PCSK5: variants seen among roughly 807,000 people sequenced by gnomAD.
The protein encoded by PCSK5 is prohormone convertase 5.
A neutral mutation model predicts 233.2 loss-of-function variants in PCSK5; 129 were observed. The observed-to-expected ratio is 0.55, with a 90% CI of 0.48 to 0.64. The LOEUF is 0.64. Among genes scored for constraint, PCSK5 ranks in the 30% least tolerant of loss-of-function variants. The probability of loss-of-function intolerance (pLI) is 0.00; values close to 1 mark genes in which losing one functional copy is unlikely to be tolerated. For missense variants in PCSK5, 2,076 were observed against 2,430.1 expected (o/e 0.85, Z 3.06); for synonymous variants, 825 against 879.2 (o/e 0.94, Z 1.09).
intron 10 of PCSK5, among the ~76,000 whole-genome samples, chr9:76,153,117 A>G: frequency 6.6e-6 from 1 of 152,182 alleles, no homozygotes; most frequent in Non-Finnish European, 1.5e-5. Flanking sequence ...TCTTATACCT[A>G]TCAAAATGTA....
At chr9:76,011,084 T>C (rs1260590024) in intron 3 of PCSK5, among the ~76,000 whole-genome samples, 1 of 152,230 alleles carries the variant, frequency 6.6e-6, no homozygotes, top group Non-Finnish European at 1.5e-5. Context: ...AGTTGCTTGG[T>C]TAGATTCTTG....
At chr9:76,085,220 C>T (rs140222943) in intron 7 of PCSK5, among the ~76,000 whole-genome samples, 104 of 152,302 alleles carry the variant, frequency 6.8e-4, no homozygotes, top group African/African-American at 2.3e-3. Context: ...CAACAAAGAT[C>T]TTCTCTGAGT....
At chr9:76,177,467 C>G (rs1823664438) in intron 14 of PCSK5, among the ~76,000 whole-genome samples, 1 of 152,120 alleles carries the variant, frequency 6.6e-6, no homozygotes, top group African/African-American at 2.4e-5. Flanking sequence ...TACTTTTATT[C>G]TAAACAGATA....
intron 10 of PCSK5, among the ~76,000 whole-genome samples, chr9:76,149,518 T>C (rs942360094): frequency 1.3e-5 from 2 of 152,190 alleles, no homozygotes; most frequent in African/African-American, 2.4e-5. Context: ...AATCCACAAA[T>C]AGGAATTTTG....
intron 10 of PCSK5, among the ~76,000 whole-genome samples, chr9:76,136,268 C>T (rs1196712438): frequency 1.3e-5 from 2 of 151,948 alleles, no homozygotes; most frequent in Admixed American, 1.3e-4. Context: ...GTTACCATCC[C>T]CTCCCTAGAG....
At chr9:76,047,898 T>C (rs1032771346) in intron 5 of PCSK5, among the ~76,000 whole-genome samples, 1 of 152,236 alleles carries the variant, frequency 6.6e-6, no homozygotes, top group Non-Finnish European at 1.5e-5. Flanking sequence ...TGTTTAAAGT[T>C]GTAGGTTTTC....
chr9:75,927,332 G>A (rs1173978344), intron 1 of PCSK5, among the ~76,000 whole-genome samples: 1 of 152,080 alleles, frequency 6.6e-6, no homozygotes, highest in South Asian at 2.1e-4. Flanking sequence ...AGAATTTGGA[G>A]GAATCTATAA....
At chr9:76,200,585 A>C (rs1824875177) in intron 20 of PCSK5, among the ~76,000 whole-genome samples, 1 of 152,248 alleles carries the variant, frequency 6.6e-6, no homozygotes, top group South Asian at 2.1e-4. Flanking sequence ...TGTGGAATGA[A>C]TGAATAAGAA....
chr9:75,897,275 T>A (rs1037824861), intron 1 of PCSK5, among the ~76,000 whole-genome samples: 5 of 151,992 alleles, frequency 3.3e-5, no homozygotes, highest in Non-Finnish European at 5.9e-5. Flanking sequence ...CCTGGGGATA[T>A]AATGGGGGCT....
chr9:76,139,784 A>T (rs1052893176), intron 10 of PCSK5, among the ~76,000 whole-genome samples: 1 of 152,146 alleles, frequency 6.6e-6, no homozygotes, highest in Non-Finnish European at 1.5e-5. Context: ...AAAAACAAAA[A>T]AACAAAAACT....
chr9:76,188,975 CATGAATATT>C, intron 18 of PCSK5, 110 bp from the exon 19 acceptor site: 1 of 874,646 alleles, frequency 1.1e-6, no homozygotes, highest in Non-Finnish European at 1.7e-6. Flanking sequence ...CAAGAAAAAG[CATGAATATT>C]AAATTATTAT....
chr9:76,110,404 G>A (rs1832162690), intron 9 of PCSK5, among the ~76,000 whole-genome samples: 2 of 152,330 alleles, frequency 1.3e-5, no homozygotes, highest in South Asian at 4.1e-4. Context: ...AGGAACATTA[G>A]AGAAAACTAG....
intron 24 of PCSK5, among the ~76,000 whole-genome samples, chr9:76,269,062 C>A (rs775037374): frequency 5.3e-5 from 8 of 152,190 alleles, no homozygotes; most frequent in Non-Finnish European, 8.8e-5. Context: ...AGTGGGCCAG[C>A]TGGGGACTGA....
chr9:76,120,911 C>T (rs1832606233), intron 9 of PCSK5, among the ~76,000 whole-genome samples: 1 of 151,938 alleles, frequency 6.6e-6, no homozygotes. Flanking sequence ...GTTTTTTCAT[C>T]TGAAATTTGG....
intron 30 of PCSK5, among the ~76,000 whole-genome samples, chr9:76,311,321 A>G (rs969779437): frequency 3.9e-5 from 6 of 151,914 alleles, no homozygotes; most frequent in African/African-American, 1.5e-4. Context: ...ACTGTACTCC[A>G]GCCTGGATGA....
chr9:76,323,512 T>C (rs1829272051), intron 32 of PCSK5, among the ~76,000 whole-genome samples: 1 of 151,922 alleles, frequency 6.6e-6, no homozygotes, highest in Non-Finnish European at 1.5e-5. Flanking sequence ...GCCTCCAGAG[T>C]TGCTGGGAAC....
chr9:76,101,637 C>T (rs1344063867), intron 8 of PCSK5, among the ~76,000 whole-genome samples: 3 of 152,150 alleles, frequency 2.0e-5, no homozygotes, highest in African/African-American at 7.2e-5. Context: ...TTCTCAGATT[C>T]CTCCTGGGAG....
chr9:76,120,299 C>T (rs563026935), intron 9 of PCSK5, among the ~76,000 whole-genome samples: 1 of 152,208 alleles, frequency 6.6e-6, no homozygotes, highest in African/African-American at 2.4e-5. Context: ...AGAATCACTT[C>T]ATATTTTAAA....
At chr9:75,932,157 C>T (rs865993582) in intron 1 of PCSK5, among the ~76,000 whole-genome samples, 8 of 152,160 alleles carry the variant, frequency 5.3e-5, no homozygotes, top group Non-Finnish European at 7.4e-5. Context: ...TCTTCAGTTC[C>T]GCAGTCACTG....
Sources: gnomAD v4.1 joint callset for allele counts (sites outside exome capture counted in the v4.1 genomes callset) on GRCh38, gnomAD v4.1.1 for gene constraint, MANE v1.5 for transcripts, NCBI Gene and HGNC (gene_info 2026-07-23, HGNC 2026-07-21) for gene names.